COMMD1: variants seen among roughly 807,000 people sequenced by gnomAD.
COMMD1 encodes COMM domain-containing protein 1.
COMMD1 carries 10 observed loss-of-function variants against 17.2 expected under a neutral mutation model. The observed-to-expected ratio is 0.58, with a 90% CI of 0.36 to 0.99. The LOEUF is 0.99. Among genes scored for constraint, COMMD1 ranks in the 50% least tolerant of loss-of-function variants. The probability of loss-of-function intolerance (pLI) is 0.01; values close to 1 mark genes in which losing one functional copy is unlikely to be tolerated. For missense variants in COMMD1, 270 were observed against 231.8 expected (o/e 1.17, Z -1.07); for synonymous variants, 97 against 91.6 (o/e 1.06, Z -0.34).
At chr2:61,890,574 C>G (rs1669404593) in intron 1 of COMMD1, among the ~76,000 whole-genome samples, 1 of 152,072 alleles carries the variant, frequency 6.6e-6, no homozygotes, top group Non-Finnish European at 1.5e-5. Flanking sequence ...GGCTCAGTAG[C>G]TCACGCCTGT....
At chr2:61,892,413 G>A (rs1353096696) in intron 1 of COMMD1, among the ~76,000 whole-genome samples, 2 of 152,138 alleles carry the variant, frequency 1.3e-5, no homozygotes, top group South Asian at 4.2e-4. Context: ...GAGAGGAGGG[G>A]CCAGGTGCGG....
intron 2 of COMMD1, among the ~76,000 whole-genome samples, chr2:62,015,737 G>A (rs370516753): frequency 7.0e-6 from 1 of 143,058 alleles, no homozygotes; most frequent in African/African-American, 2.6e-5. Context: ...GTTGTCATCC[G>A]AATGTATATA....
At chr2:61,968,621 A>G (rs776844798) in intron 1 of COMMD1, among the ~76,000 whole-genome samples, 8 of 152,008 alleles carry the variant, frequency 5.3e-5, no homozygotes, top group Non-Finnish European at 1.0e-4. Context: ...CCATGGTATA[A>G]TTTTGGCTCA....
At chr2:62,118,397 T>C (rs542064595) in intron 2 of COMMD1, 1 of 152,344 alleles carries the variant, frequency 6.6e-6, no homozygotes, top group East Asian at 1.9e-4. Context: ...AATTCAACTT[T>C]AGATAATAAA....
At chr2:62,045,541 A>G (rs1168850160) in intron 2 of COMMD1, among the ~76,000 whole-genome samples, 2 of 149,216 alleles carry the variant, frequency 1.3e-5, no homozygotes, top group African/African-American at 2.5e-5. Flanking sequence ...GACTATTATC[A>G]TGCTTACTTT....
At chr2:62,059,548 T>TC (rs1670799514) in intron 2 of COMMD1, among the ~76,000 whole-genome samples, 1 of 152,034 alleles carries the variant, frequency 6.6e-6, no homozygotes, top group Non-Finnish European at 1.5e-5. Flanking sequence ...CCCCATTTTT[T>TC]CCCCCTTAAA....
At chr2:62,108,942 T>G (rs922593565) in intron 2 of COMMD1, among the ~76,000 whole-genome samples, 34 of 152,206 alleles carry the variant, frequency 2.2e-4, no homozygotes, top group African/African-American at 7.9e-4. Flanking sequence ...AGCTGAGAAG[T>G]TATTATCCCT....
At chr2:62,002,714 G>T (rs1176674362) in intron 2 of COMMD1, among the ~76,000 whole-genome samples, 2 of 151,160 alleles carry the variant, frequency 1.3e-5, no homozygotes, top group Non-Finnish European at 2.9e-5. Flanking sequence ...CAAATTGCCG[G>T]GCATGGTGGC....
At chr2:62,075,504 C>G (rs1436006117) in intron 2 of COMMD1, among the ~76,000 whole-genome samples, 4 of 152,150 alleles carry the variant, frequency 2.6e-5, no homozygotes, top group African/African-American at 9.7e-5. Flanking sequence ...CTGGCTAGAG[C>G]CTCTTATTTA....
At chr2:61,904,009 T>C (rs1367249004), upstream of COMMD1, among the ~76,000 whole-genome samples, 1 of 152,140 alleles carries the variant, frequency 6.6e-6, no homozygotes, top group African/African-American at 2.4e-5. Context: ...TGTATTATTA[T>C]TATTATTTTA....
intron 1 of COMMD1, among the ~76,000 whole-genome samples, chr2:61,972,353 A>G (rs768350351): frequency 2.6e-5 from 4 of 152,104 alleles, no homozygotes; most frequent in Non-Finnish European, 4.4e-5. Flanking sequence ...GCTTGTTTTA[A>G]TATATTATAG....
intron 2 of COMMD1, among the ~76,000 whole-genome samples, chr2:62,034,789 A>G (rs1007250732): frequency 1.3e-5 from 2 of 152,118 alleles, no homozygotes; most frequent in African/African-American, 4.8e-5. Flanking sequence ...CTAAGGAGAA[A>G]CAGTTTTAAA....
At chr2:62,055,463 A>G in intron 2 of COMMD1, 1 of 456,090 alleles carries the variant, frequency 2.2e-6, no homozygotes, top group Non-Finnish European at 4.4e-6. Flanking sequence ...AGTGATTCAC[A>G]TTCTCCAAGC....
chr2:62,024,952 C>A (rs779890356), intron 2 of COMMD1, among the ~76,000 whole-genome samples: 1 of 152,126 alleles, frequency 6.6e-6, no homozygotes, highest in Non-Finnish European at 1.5e-5. Flanking sequence ...AAAGGCCAGG[C>A]GAGGTGGCTC....
intron 1 of COMMD1, among the ~76,000 whole-genome samples, chr2:61,925,529 C>A (rs1044064765): frequency 6.6e-6 from 1 of 152,096 alleles, no homozygotes; most frequent in Non-Finnish European, 1.5e-5. Flanking sequence ...ACGACCTCCC[C>A]CTGTGGGGTC....
At chr2:61,976,567 T>G (rs1377326121) in intron 1 of COMMD1, among the ~76,000 whole-genome samples, 1 of 152,166 alleles carries the variant, frequency 6.6e-6, no homozygotes, top group African/African-American at 2.4e-5. Context: ...TATTTATAGT[T>G]GAAGTCTTCA....
At chr2:62,097,120 G>A (rs114994993) in intron 2 of COMMD1, among the ~76,000 whole-genome samples, 2,638 of 152,316 alleles carry the variant, frequency 0.017, 37 homozygotes, top group Middle Eastern at 0.058. Flanking sequence ...ACAGTAAGGT[G>A]TGGGGGTTAG....
chr2:61,916,056 G>T (rs1446203372), intron 1 of COMMD1, among the ~76,000 whole-genome samples: 1 of 151,944 alleles, frequency 6.6e-6, no homozygotes, highest in African/African-American at 2.4e-5. Context: ...CTGCAGTCTT[G>T]ACCTGTCGGG....
At chr2:62,084,019 C>T (rs889393238) in intron 2 of COMMD1, among the ~76,000 whole-genome samples, 3 of 152,186 alleles carry the variant, frequency 2.0e-5, no homozygotes, top group African/African-American at 7.2e-5. Context: ...CTGTTTTCTC[C>T]TAAATAAAGC....
Sources: gnomAD v4.1 joint callset for allele counts (sites outside exome capture counted in the v4.1 genomes callset) on GRCh38, gnomAD v4.1.1 for gene constraint, MANE v1.5 for transcripts, NCBI Gene and HGNC (gene_info 2026-07-23, HGNC 2026-07-21) for gene names.